The following PRDM1 variants were observed in gnomAD, a reference collection of about 807,000 sequenced individuals.
The protein encoded by PRDM1 is PR domain zinc finger protein 1.
A neutral mutation model predicts 62.8 loss-of-function variants in PRDM1; 13 were observed. That is an observed-to-expected ratio of 0.21 (90% CI 0.13 to 0.33). The LOEUF (loss-of-function observed/expected upper bound fraction) is 0.33, where lower values mean the gene tolerates loss of function less well. PRDM1 is among the 10% of genes least tolerant of loss of function. The probability of loss-of-function intolerance (pLI) is 1.00; values close to 1 mark genes in which losing one functional copy is unlikely to be tolerated. For missense variants in PRDM1, 895 were observed against 1,058.8 expected, an observed-to-expected ratio of 0.85 and a Z score of 2.15; for synonymous variants, 396 against 417.6, an observed-to-expected ratio of 0.95 and a Z score of 0.63.
chr6:106,021,520 C>G (rs1017499739), intron 1 of PRDM1, among the ~76,000 whole-genome samples: 8 of 152,180 alleles, frequency 5.3e-5, no homozygotes, highest in Non-Finnish European at 1.0e-4. Flanking sequence ...AAAGAAGAAG[C>G]TTTCTTGAGT....
At chr6:106,035,620 G>C (rs926479403) in intron 1 of PRDM1, among the ~76,000 whole-genome samples, 1 of 152,148 alleles carries the variant, frequency 6.6e-6, no homozygotes, top group Middle Eastern at 3.4e-3. Flanking sequence ...CAGAGAGAGA[G>C]AGACCCTGTC....
rs1266813499 is a variant in PRDM1, at chr6:106,107,697, T to TATC, written c.*212_*214dup. The TATC allele has an allele frequency of 2.2e-5, 5 of 225,708 alleles. No individual in the cohort carries two copies. The highest frequency in any genetic ancestry group is 1.1e-4 in the African/African-American group (5 of 44,128). 14.0% of individuals were successfully genotyped at this position (225,708 alleles called of 1,614,324 possible). ...AAGGCCATATATATATATATATATA[T>TATC]ATCTGTATACATATTATATATACTT... On this transcript the variant is annotated 3_prime_UTR_variant, in exon 7 of 7. Transcript: ENST00000369096.
Position 106,086,525 on chromosome 6 carries a change from T to C in PRDM1, c.-29T>C. ...CGGGGGACGCGGGGAGAATGTGGACTGGGTAGAGATGAACGAGACTTTTCT... is the reference window on the plus strand; with the variant it reads ...CGGGGGACGCGGGGAGAATGTGGACCGGGTAGAGATGAACGAGACTTTTCT... On this transcript the variant is annotated 5_prime_UTR_variant, in exon 1 of 7. Coordinates refer to ENST00000369096, the MANE Select transcript of PRDM1 (RefSeq NM_001198.4). 1 of 1,547,126 alleles carries C rather than the reference T, an allele frequency of 6.5e-7. No individual in the cohort carries two copies.
intron 1 of PRDM1, among the ~76,000 whole-genome samples, chr6:106,024,027 A>G (rs1041376439): frequency 6.6e-6 from 1 of 152,130 alleles, no homozygotes; most frequent in Admixed American, 6.6e-5. Flanking sequence ...CTGTAGTCCT[A>G]GGTCCTTGGG....
intron 4 of PRDM1, among the ~76,000 whole-genome samples, chr6:106,100,855 T>C (rs535780): frequency 0.36 from 55,328 of 151,968 alleles, 10,223 homozygotes; most frequent in Middle Eastern, 0.42. Context: ...GAACTGGCTC[T>C]CAGTTCCCCA....
intron 1 of PRDM1, among the ~76,000 whole-genome samples, chr6:106,079,030 A>T (rs1773648705): frequency 6.6e-6 from 1 of 151,756 alleles, no homozygotes; most frequent in South Asian, 2.1e-4. Context: ...GCGCGATCTC[A>T]GCTTACTGCA....
At position 106,105,950 on chromosome 6, in the gene PRDM1, A is replaced by G. The variant is rs1202543623; in HGVS notation, c.1773+17A>G. ...AATCTGAAGGTAGGCCTTGAGAGAG[A>G]GCAGTCCAAGGGGCTGTGAGTGCAT... On this transcript the variant is annotated intron_variant, in intron 5 of 6. Transcript: ENST00000369096. 6.2e-7 allele frequency: 1 copy of G among 1,605,858 alleles called. No homozygotes were observed. Among genetic ancestry groups the G allele is most frequent in the Non-Finnish European group, 8.5e-7 (1 of 1,175,644 alleles).
At chr6:106,066,751 T>G (rs1440314342) in intron 1 of PRDM1, among the ~76,000 whole-genome samples, 2 of 152,218 alleles carry the variant, frequency 1.3e-5, no homozygotes, top group Non-Finnish European at 2.9e-5. Flanking sequence ...TTTTTTCCTG[T>G]GGGTATACAT....
chr6:106,078,476 G>A (rs779936947), intron 1 of PRDM1, among the ~76,000 whole-genome samples: 3 of 152,232 alleles, frequency 2.0e-5, no homozygotes, highest in Non-Finnish European at 4.4e-5. Context: ...AGAGACTGCT[G>A]CTTTTGATGG....
intron 1 of PRDM1, among the ~76,000 whole-genome samples, chr6:106,077,519 C>T (rs1480628320): frequency 1.3e-5 from 2 of 152,258 alleles, no homozygotes; most frequent in Non-Finnish European, 2.9e-5. Context: ...CACCCAGCAA[C>T]TCTGTAGCAA....
At chr6:106,085,016 A>C (rs1257973810), upstream of PRDM1, among the ~76,000 whole-genome samples, 2 of 152,204 alleles carry the variant, frequency 1.3e-5, no homozygotes, top group African/African-American at 4.8e-5. Context: ...AAAAAATTCT[A>C]GAAAAGTTTT....
chr6:106,065,560 G>A (rs188012836), intron 1 of PRDM1, among the ~76,000 whole-genome samples: 7 of 152,166 alleles, frequency 4.6e-5, no homozygotes, highest in East Asian at 1.9e-4. Flanking sequence ...TCAGGTTATC[G>A]TAATTATATA....
chr6:106,031,093 A>G (rs1772838573), intron 1 of PRDM1, among the ~76,000 whole-genome samples: 1 of 151,832 alleles, frequency 6.6e-6, no homozygotes. Context: ...CTGCAGGCAC[A>G]GCCCAAGTGG....
In PRDM1 at chr6:106,108,754, A is replaced by ATT; in HGVS notation, c.*1271_*1272dup. Reference sequence around the variant, plus strand: ...TTTTCCTCAGTATTTGTGTTTTTACATTTTATGGTTAATTTAATGGAAGAT... The same window carrying ATT: ...TTTTCCTCAGTATTTGTGTTTTTACATTTTTTATGGTTAATTTAATGGAAGAT... On this transcript the variant is annotated 3_prime_UTR_variant, in exon 7 of 7. Coordinates refer to ENST00000369096, the MANE Select transcript of PRDM1 (RefSeq NM_001198.4). 1 of 233,160 alleles carries ATT rather than the reference A, an allele frequency of 4.3e-6. No homozygotes were observed. Among genetic ancestry groups the ATT allele is most frequent in the Non-Finnish European group, 8.5e-6 (1 of 117,814 alleles). The allele number at this position is 233,160 out of a possible 1,614,324, so 14.4% of individuals were successfully genotyped here. A position where few individuals can be genotyped will look rare whatever the true frequency, so the allele number is the denominator to read the frequency against.
intron 4 of PRDM1, 54 bp downstream of exon 4, chr6:106,099,606 C>T (rs1274079172): frequency 6.3e-7 from 1 of 1,592,222 alleles, no homozygotes; most frequent in East Asian, 2.2e-5. Flanking sequence ...TCGGTTCTGC[C>T]CCTTTGAACT....
intron 1 of PRDM1, among the ~76,000 whole-genome samples, chr6:106,025,757 A>C (rs1451702219): frequency 2.0e-5 from 3 of 152,246 alleles, no homozygotes; most frequent in Non-Finnish European, 4.4e-5. Context: ...TGGGGAGTTA[A>C]TAAGTTGTTT....
At chr6:105,995,066 C>T (rs1772331656) in intron 1 of PRDM1, among the ~76,000 whole-genome samples, 2 of 152,206 alleles carry the variant, frequency 1.3e-5, no homozygotes, top group South Asian at 4.1e-4. Context: ...ATGAGTCAAG[C>T]GCAAAAGCTC....
chr6:106,005,728 G>A (rs192234805), intron 1 of PRDM1, among the ~76,000 whole-genome samples: 2 of 152,206 alleles, frequency 1.3e-5, no homozygotes, highest in Admixed American at 6.5e-5. Context: ...GACAAGGGAT[G>A]GCTGAATGAG....
At position 106,106,766 on chromosome 6, in the gene PRDM1, T is replaced by TA; in HGVS notation, c.1903-144dup. On this transcript the variant is annotated intron_variant, in intron 6 of 6. Transcript: ENST00000369096. The surrounding 1 kb of genome is among the most constrained non-coding windows in gnomAD (Gnocchi z 4.4). ...TGCCCACATCCCCCCGTTTGCTTAA[T>TA]ACCACACTGGAGGTGCCACAAGGAG... 1 of 1,007,398 alleles carries TA rather than the reference T, an allele frequency of 9.9e-7. No individual in the cohort carries two copies. The highest frequency in any genetic ancestry group is 1.4e-6 in the Non-Finnish European group (1 of 691,130). The allele number at this position is 1,007,398 out of a possible 1,614,324, so 62.4% of individuals were successfully genotyped here.
Sources: allele counts gnomAD v4.1 joint callset (sites outside exome capture counted in the v4.1 genomes callset), GRCh38; gene constraint gnomAD v4.1.1; non-coding constraint Gnocchi (gnomAD v3.1); transcripts MANE v1.5; gene names NCBI Gene and HGNC (gene_info 2026-07-23, HGNC 2026-07-21).